Variants in NOX4 observed in about 807,000 individuals in gnomAD.
NOX4 encodes the protein kidney oxidase-1.
Under a neutral mutation model 87.6 loss-of-function variants are expected in NOX4, and 69 were observed. The observed-to-expected ratio is 0.79, with a 90% CI of 0.65 to 0.96. The LOEUF (loss-of-function observed/expected upper bound fraction) is 0.96, where lower values mean the gene tolerates loss of function less well. NOX4 is among the 40% of genes least tolerant of loss of function. NOX4 has a pLI of 0.00. For missense variants in NOX4, 680 were observed against 681.5 expected (o/e 1.00, Z 0.02); for synonymous variants, 275 against 238.2 (o/e 1.15, Z -1.42).
At chr11:89,434,861 C>A (rs1034885991) in intron 6 of NOX4, among the ~76,000 whole-genome samples, 2 of 151,982 alleles carry the variant, frequency 1.3e-5, no homozygotes, top group African/African-American at 2.4e-5. Flanking sequence ...CTAAACCACT[C>A]CAGTCCTGAA....
intron 8 of NOX4, among the ~76,000 whole-genome samples, chr11:89,405,622 A>T (rs1210053118): frequency 6.9e-6 from 1 of 144,904 alleles, no homozygotes; most frequent in Non-Finnish European, 1.5e-5. Flanking sequence ...AAAATCATTC[A>T]TCAAAAAAAA....
rs1945470703 is a variant in NOX4, at chr11:89,461,647, A to AAATAAATAAATAAAT, written c.154-9753_154-9752insATTTATTTATTTATT. Among the ~76,000 whole-genome samples, 5 of 145,708 alleles carry AAATAAATAAATAAAT rather than the reference A, an allele frequency of 3.4e-5. No homozygotes were observed. The East Asian group carries it at 8.1e-4, about 24-fold the overall frequency. On this transcript the variant is annotated intron_variant, in intron 2 of 17. Coordinates refer to ENST00000263317, the MANE Select transcript of NOX4 (RefSeq NM_016931.5). ...GCAAAAGAGCAAGACTCCATCTCAA[A>AAATAAATAAATAAAT]AAATAAATAAATAAATAAATAAGAG...
At chr11:89,438,845 ATTATATAATATATTATATATTAT>A (rs1319438197) in intron 6 of NOX4, among the ~76,000 whole-genome samples, 7 of 33,258 alleles carry the variant, frequency 2.1e-4, no homozygotes, top group Admixed American at 6.6e-4. Flanking sequence ...TATTATATAT[ATTATATAATATATTATATATTAT>A]ATATATAATA....
intron 11 of NOX4, among the ~76,000 whole-genome samples, chr11:89,398,932 A>G (rs1941660514): frequency 6.6e-6 from 1 of 151,970 alleles, no homozygotes; most frequent in Non-Finnish European, 1.5e-5. Context: ...GCCAGTTACA[A>G]AACAATATGA....
At chr11:89,582,668 G>A in the NOX4 span, among the ~76,000 whole-genome samples, 2 of 152,196 alleles carry the variant, frequency 1.3e-5, no homozygotes, top group Non-Finnish European at 2.9e-5. Flanking sequence ...CTCTAAGACT[G>A]TGGCTTATTT....
In NOX4 at chr11:89,433,448, G is replaced by C. The variant is rs193075793; in HGVS notation, c.476-592C>G. ...TGCAACAGGACAGGGTTAACTTTCA[G>C]CACTCTTTCTGTTTTGGTTTTAAAC... On this transcript the variant is annotated intron_variant, in intron 6 of 17. Transcript: ENST00000263317. Among the ~76,000 whole-genome samples the C allele has an allele frequency of 8.6e-4, 130 of 152,020 alleles. 1 individual carries two copies. Among genetic ancestry groups the C allele is most frequent in the Non-Finnish European group, 1.2e-3 (81 of 67,924 alleles).
At chr11:89,536,709 T>G in the NOX4 span, among the ~76,000 whole-genome samples, 2 of 152,184 alleles carry the variant, frequency 1.3e-5, no homozygotes, top group African/African-American at 4.8e-5. Flanking sequence ...CTCCTCCTCA[T>G]TATTATGATT....
intron 7 of NOX4, among the ~76,000 whole-genome samples, chr11:89,424,926 T>C (rs1454458853): frequency 6.6e-6 from 1 of 152,128 alleles, no homozygotes; most frequent in Non-Finnish European, 1.5e-5. Flanking sequence ...TTCATGATTC[T>C]AACAATAAAA....
At chr11:89,485,186 TC>T (rs1178549313) in intron 2 of NOX4, among the ~76,000 whole-genome samples, 7 of 152,030 alleles carry the variant, frequency 4.6e-5, no homozygotes, top group Non-Finnish European at 7.4e-5. Context: ...AGAAAGATAA[TC>T]CCAGTGTTTC....
At chr11:89,394,506 T>G (rs1392903077) in intron 11 of NOX4, among the ~76,000 whole-genome samples, 1 of 152,102 alleles carries the variant, frequency 6.6e-6, no homozygotes, top group Non-Finnish European at 1.5e-5. Context: ...GAAGTAATTT[T>G]TTTATTATTA....
At chr11:89,370,213 C>T (rs1939340471) in intron 12 of NOX4, among the ~76,000 whole-genome samples, 1 of 151,970 alleles carries the variant, frequency 6.6e-6, no homozygotes, top group Middle Eastern at 3.2e-3. Context: ...CTGTAGAAAA[C>T]TTTTCCAGTA....
At chr11:89,417,228 A>G (rs1942833057) in intron 8 of NOX4, among the ~76,000 whole-genome samples, 2 of 152,152 alleles carry the variant, frequency 1.3e-5, no homozygotes, top group South Asian at 2.1e-4. Context: ...AGACTGTGAC[A>G]TTCGTAATTT....
intron 6 of NOX4, among the ~76,000 whole-genome samples, chr11:89,438,801 A>ATAATATC (rs1944260952): frequency 2.4e-4 from 1 of 4,168 alleles, no homozygotes; most frequent in African/African-American, 9.9e-4. Flanking sequence ...TGTATAATAT[A>ATAATATC]TTATATATTA....
intron 7 of NOX4, among the ~76,000 whole-genome samples, chr11:89,430,486 G>A (rs927011621): frequency 6.6e-6 from 1 of 152,210 alleles, no homozygotes; most frequent in African/African-American, 2.4e-5. Flanking sequence ...TCCTTAAGGT[G>A]ATAAGCAACT....
chr11:89,436,746 A>C (rs1305434529), intron 6 of NOX4, among the ~76,000 whole-genome samples: 1 of 152,100 alleles, frequency 6.6e-6, no homozygotes, highest in African/African-American at 2.4e-5. Context: ...TTAAAGTTAG[A>C]TATTATCCAT....
At chr11:89,332,047 C>T (rs1171155066) in intron 17 of NOX4, among the ~76,000 whole-genome samples, 9 of 151,728 alleles carry the variant, frequency 5.9e-5, no homozygotes, top group East Asian at 5.8e-4. Context: ...GAGGTAGATT[C>T]GGGTACTAAG....
At chr11:89,329,929 C>T (rs1469422861) in intron 17 of NOX4, among the ~76,000 whole-genome samples, 1 of 151,876 alleles carries the variant, frequency 6.6e-6, no homozygotes, top group Admixed American at 6.6e-5. Context: ...AAATTTGAAT[C>T]AACCAAAGGA....
intron 8 of NOX4, among the ~76,000 whole-genome samples, chr11:89,409,689 TG>T (rs1317777739): frequency 6.6e-6 from 1 of 152,108 alleles, no homozygotes; most frequent in Non-Finnish European, 1.5e-5. Flanking sequence ...AATAAAAAGT[TG>T]GAAGTTGGCA....
chr11:89,566,566 T>C, the NOX4 span, among the ~76,000 whole-genome samples: 1 of 151,834 alleles, frequency 6.6e-6, no homozygotes, highest in Non-Finnish European at 1.5e-5. Context: ...GCTTTCTCTG[T>C]AGAAGACATA....
Sources: gnomAD v4.1 joint callset for allele counts (sites outside exome capture counted in the v4.1 genomes callset) on GRCh38, gnomAD v4.1.1 for gene constraint, MANE v1.5 for transcripts, NCBI Gene and HGNC (gene_info 2026-07-23, HGNC 2026-07-21) for gene names.